Variants in NPSR1 observed in about 807,000 individuals in gnomAD.
NPSR1 encodes neuropeptide S receptor 1.
NPSR1 carries 48 observed loss-of-function variants against 46.9 expected under a neutral mutation model. The ratio of observed to expected loss-of-function variants is 1.02; its 90% CI spans 0.81 to 1.30. The LOEUF (loss-of-function observed/expected upper bound fraction) is 1.30, where lower values mean the gene tolerates loss of function less well. Among genes scored for constraint, NPSR1 ranks in the 50% most tolerant of loss-of-function variants. The probability of loss-of-function intolerance (pLI) is 0.00; values close to 1 mark genes in which losing one functional copy is unlikely to be tolerated. For missense variants in NPSR1, 450 were observed against 449.5 expected (o/e 1.00, Z -0.01); for synonymous variants, 176 against 168.1 (o/e 1.05, Z -0.36).
intron 1 of NPSR1, among the ~76,000 whole-genome samples, chr7:34,669,374 C>A (rs1372935751): frequency 6.6e-6 from 1 of 152,014 alleles, no homozygotes; most frequent in Non-Finnish European, 1.5e-5. Context: ...ACCAGCCTGG[C>A]CAACATGATA....
At chr7:34,862,909 T>C (rs1414864830) in intron 8 of NPSR1, among the ~76,000 whole-genome samples, 2 of 151,682 alleles carry the variant, frequency 1.3e-5, no homozygotes, top group Non-Finnish European at 2.9e-5. Flanking sequence ...CCATCATATG[T>C]TCTACAGTGA....
At chr7:34,717,318 G>T (rs1783629244) in intron 2 of NPSR1, among the ~76,000 whole-genome samples, 1 of 152,174 alleles carries the variant, frequency 6.6e-6, no homozygotes, top group South Asian at 2.1e-4. Context: ...TTTTAATAGA[G>T]ACAGGGTTTC....
intron 4 of NPSR1, among the ~76,000 whole-genome samples, chr7:34,813,702 G>T (rs1253605835): frequency 6.6e-6 from 1 of 152,158 alleles, no homozygotes; most frequent in Admixed American, 6.5e-5. Context: ...AAAACTATTT[G>T]CAAAAACACA....
intron 3 of NPSR1, among the ~76,000 whole-genome samples, chr7:34,786,777 C>A (rs1165188941): frequency 1.3e-5 from 2 of 152,052 alleles, no homozygotes; most frequent in Non-Finnish European, 2.9e-5. Context: ...TGTCAATGAG[C>A]AGTGATATTT....
At chr7:34,700,446 T>A (rs1793765958) in intron 2 of NPSR1, among the ~76,000 whole-genome samples, 1 of 152,160 alleles carries the variant, frequency 6.6e-6, no homozygotes, top group Admixed American at 6.5e-5. Context: ...CATTTAATCC[T>A]CACACAGGGA....
chr7:34,858,710 A>G (rs903247428), intron 8 of NPSR1, among the ~76,000 whole-genome samples: 14 of 151,792 alleles, frequency 9.2e-5, no homozygotes, highest in Non-Finnish European at 1.9e-4. Flanking sequence ...AGCTTATGCA[A>G]AGAAACTCCC....
rs542889813 is a variant in NPSR1, at chr7:34,875,790, T to C, written c.1026-2286T>C. 4.3e-4 allele frequency among the ~76,000 whole-genome samples: 65 copies of C among 152,194 alleles called. 2 individuals carry two copies. The highest frequency in any genetic ancestry group is 1.5e-3 in the African/African-American group (64 of 41,452). On this transcript the variant is annotated intron_variant, in intron 8 of 8. Coordinates refer to the NPSR1 transcript ENST00000359791. Reference sequence around the variant, plus strand: ...AATTCTATTTGGGAAAGAAGCACAATGACCCTTTATTAAAGGATTTCAATG... The same window carrying C: ...AATTCTATTTGGGAAAGAAGCACAACGACCCTTTATTAAAGGATTTCAATG...
At position 34,697,684 on chromosome 7, in the gene NPSR1, T is replaced by G. The variant is rs141480829; in HGVS notation, c.280+13000T>G. ...ATCATTTTATTATTGTATTGTTATTTTATACTTTCTTAATATTTTTAATCT... is the reference window on the plus strand; with the variant it reads ...ATCATTTTATTATTGTATTGTTATTGTATACTTTCTTAATATTTTTAATCT... On this transcript the variant is annotated intron_variant, in intron 2 of 8. Transcript: ENST00000360581. Among the ~76,000 whole-genome samples, 875 of 152,046 alleles carry G rather than the reference T, an allele frequency of 5.8e-3. 7 individuals are homozygous for G. Among genetic ancestry groups the G allele is most frequent in the East Asian group, 0.04 (207 of 5,186 alleles).
intron 8 of NPSR1, among the ~76,000 whole-genome samples, chr7:34,865,301 G>C (rs549502283): frequency 1.3e-5 from 2 of 151,960 alleles, no homozygotes; most frequent in South Asian, 2.1e-4. Flanking sequence ...AAAATCTCTG[G>C]AAGGGCTGAT....
In NPSR1 at chr7:34,845,994, C is replaced by T. The variant is rs373274025; in HGVS notation, c.844+1012C>T. On this transcript the variant is annotated intron_variant, in intron 7 of 8. Coordinates refer to ENST00000360581, the MANE Select transcript of NPSR1 (RefSeq NM_207172.2). ...GAACAGTCTTCTCACCTTTCTGAAACGCAACTGCAAAATGCCAAACAGACC... is the reference window on the plus strand; with the variant it reads ...GAACAGTCTTCTCACCTTTCTGAAATGCAACTGCAAAATGCCAAACAGACC... 2.7e-4 allele frequency among the ~76,000 whole-genome samples: 41 copies of T among 152,298 alleles called. No homozygotes were observed. The East Asian group carries it at 3.1e-3, about 11-fold the overall frequency.
At chr7:34,823,132 G>C (rs767148244) in intron 4 of NPSR1, among the ~76,000 whole-genome samples, 4 of 151,952 alleles carry the variant, frequency 2.6e-5, no homozygotes, top group Middle Eastern at 3.2e-3. Context: ...GGCCCACGCC[G>C]GTAATCCCAG....
chr7:34,750,385 G>A (rs1028500682), intron 2 of NPSR1: 20 of 741,822 alleles, frequency 2.7e-5, no homozygotes, highest in African/African-American at 1.0e-4. Flanking sequence ...GTTTCTTTTC[G>A]GAAGCTCGCT....
intron 2 of NPSR1, among the ~76,000 whole-genome samples, chr7:34,764,855 A>G (rs187790847): frequency 5.5e-4 from 84 of 152,202 alleles, no homozygotes; most frequent in African/African-American, 1.9e-3. Flanking sequence ...CACTGAGAAT[A>G]CCCCACCCCT....
intron 8 of NPSR1, among the ~76,000 whole-genome samples, chr7:34,857,451 A>T (rs1791074947): frequency 6.6e-6 from 1 of 151,856 alleles, no homozygotes; most frequent in Admixed American, 6.6e-5. Context: ...CCAGGGAAAG[A>T]TGCCCACATA....
At chr7:34,857,485 G>A (rs1791075542) in intron 8 of NPSR1, among the ~76,000 whole-genome samples, 2 of 151,674 alleles carry the variant, frequency 1.3e-5, no homozygotes, top group East Asian at 1.9e-4. Context: ...TGTTTCAGTG[G>A]TAACATTGCA....
chr7:34,756,987 T>C (rs1312158300), intron 2 of NPSR1, among the ~76,000 whole-genome samples: 1 of 152,174 alleles, frequency 6.6e-6, no homozygotes, highest in African/African-American at 2.4e-5. Flanking sequence ...TTACGATGAT[T>C]AAGAAATTAT....
intron 2 of NPSR1, among the ~76,000 whole-genome samples, chr7:34,747,934 CT>C (rs1233611823): frequency 5.3e-5 from 8 of 152,150 alleles, no homozygotes; most frequent in Non-Finnish European, 7.4e-5. Flanking sequence ...GCCTCTCTGC[CT>C]TCTTTATATG....
chr7:34,660,799 C>A (rs946344638), intron 1 of NPSR1, among the ~76,000 whole-genome samples: 1 of 152,132 alleles, frequency 6.6e-6, no homozygotes, highest in African/African-American at 2.4e-5. Flanking sequence ...CAATTTTACC[C>A]AGTCTATAAA....
intron 2 of NPSR1, among the ~76,000 whole-genome samples, chr7:34,755,428 T>C (rs1396977843): frequency 1.3e-5 from 2 of 152,246 alleles, no homozygotes; most frequent in African/African-American, 2.4e-5. Context: ...TGCTTTTGTT[T>C]CTGACTTCTT....
Sources: allele counts gnomAD v4.1 joint callset (sites outside exome capture counted in the v4.1 genomes callset), GRCh38; gene constraint gnomAD v4.1.1; transcripts MANE v1.5; gene names NCBI Gene and HGNC (gene_info 2026-07-23, HGNC 2026-07-21).